KIDINS220: variants seen among roughly 807,000 people sequenced by gnomAD.
The protein encoded by KIDINS220 is kinase D-interacting substrate of 220 kDa.
In KIDINS220, 63 loss-of-function variants were observed where a neutral mutation model predicts 157.6. The observed-to-expected ratio is 0.40, with a 90% CI of 0.33 to 0.49. The LOEUF is 0.49. Ranked by LOEUF, KIDINS220 falls within the 20% of genes least tolerant of loss-of-function variation. The pLI is 0.66. For missense variants in KIDINS220, 1,772 were observed against 2,171.2 expected (o/e 0.82, Z 3.65); for synonymous variants, 732 against 783.6 (o/e 0.93, Z 1.10).
At chr2:8,805,680 C>G (rs960005764) in intron 7 of KIDINS220, among the ~76,000 whole-genome samples, 3 of 152,144 alleles carry the variant, frequency 2.0e-5, no homozygotes, top group Non-Finnish European at 4.4e-5. Context: ...ATGCACAGCA[C>G]ATTTTGATTA....
chr2:8,812,595 T>C, intron 5 of KIDINS220, 102 bp from the exon 6 acceptor site: 1 of 503,614 alleles, frequency 2.0e-6, no homozygotes, highest in Non-Finnish European at 3.4e-6. Context: ...ATCTTTTAGG[T>C]AGATATTTAC....
downstream of KIDINS220, chr2:8,722,286 G>C (rs1476586408): frequency 6.6e-6 from 1 of 152,204 alleles, no homozygotes; most frequent in Non-Finnish European, 1.5e-5. Context: ...TCTGATATGA[G>C]CAAACTGGAA....
In KIDINS220 at chr2:8,826,540, G is replaced by A. The variant is rs182717062; in HGVS notation, c.108+446C>T. Among the ~76,000 whole-genome samples the A allele has an allele frequency of 2.8e-3, 422 of 152,278 alleles. 2 individuals carry two copies. Among genetic ancestry groups the A allele is most frequent in the African/African-American group, 7.0e-3 (289 of 41,556 alleles). ...GGAGAATCACTTGAACCTGGGAGGC[G>A]GAGGTTTTGGTGAGCTGAGATCGTG... is the stretch of plus-strand genomic sequence containing the variant. On this transcript the variant is annotated intron_variant, in intron 2 of 29. Coordinates refer to ENST00000256707, the MANE Select transcript of KIDINS220 (RefSeq NM_020738.4).
intron 26 of KIDINS220, chr2:8,737,203 T>C (rs1469508871): frequency 6.4e-6 from 3 of 467,354 alleles, no homozygotes; most frequent in African/African-American, 3.9e-5. Flanking sequence ...TTACAGCTGA[T>C]ACAGCCTGGT....
intron 4 of KIDINS220, among the ~76,000 whole-genome samples, chr2:8,816,631 A>G (rs574699840): frequency 4.9e-4 from 75 of 152,336 alleles, no homozygotes; most frequent in Admixed American, 1.1e-3. Flanking sequence ...TGAGAACTCG[A>G]TAACTCCCTG....
intron 2 of KIDINS220, among the ~76,000 whole-genome samples, chr2:8,819,832 A>T (rs1045753437): frequency 2.2e-4 from 34 of 152,270 alleles, no homozygotes; most frequent in African/African-American, 7.5e-4. Flanking sequence ...TCAAAAAAAA[A>T]TTTAAATTAA....
chr2:8,788,897 A>G, intron 14 of KIDINS220, 85 bp from the exon 15 acceptor site: 1 of 1,232,212 alleles, frequency 8.1e-7, no homozygotes, highest in African/African-American at 1.5e-5. Flanking sequence ...TCAAGTAATG[A>G]GAGCTAAGCT....
intron 15 of KIDINS220, among the ~76,000 whole-genome samples, chr2:8,788,299 G>A (rs563379128): frequency 2.7e-5 from 4 of 149,194 alleles, no homozygotes; most frequent in South Asian, 4.2e-4. Context: ...ACAGAGTTTC[G>A]TTCTTGTCGC....
In KIDINS220 at chr2:8,779,724, C is replaced by T. The variant is rs368374957; in HGVS notation, c.2320G>A (p.Asp774Asn). Residue 774 changes from aspartate (D) to asparagine (N), a missense_variant, in exon 18 of 30, where the codon GAT becomes AAT. By Grantham distance (23) the Asp-to-Asn change is conservative. This residue lies in a region of KIDINS220 where 725 missense variants were observed against 1,017.1 expected (regional missense o/e 0.71). Transcript: ENST00000256707. The part of the protein sequence containing the change: ...QNQTRLVVII[D>N]GLDACEQDKV... ...TCCTGCTCACAGGCATCTAATCCATCGATGATGACCACCAGCCTTGTCTGA... is the reference window on the plus strand; with the variant it reads ...TCCTGCTCACAGGCATCTAATCCATTGATGATGACCACCAGCCTTGTCTGA... 11 of 1,614,044 alleles carry T rather than the reference C, an allele frequency of 6.8e-6. No homozygotes were observed. The highest frequency in any genetic ancestry group is 4.0e-5 in the African/African-American group (3 of 74,942).
intron 1 of KIDINS220, among the ~76,000 whole-genome samples, chr2:8,834,014 C>A (rs113487463): frequency 1.3e-5 from 2 of 152,130 alleles, no homozygotes; most frequent in Non-Finnish European, 2.9e-5. Context: ...CCTCCAGATA[C>A]GACACAGTAA....
At chr2:8,779,992 T>A (rs1671477589) in intron 17 of KIDINS220, among the ~76,000 whole-genome samples, 178 bp from the exon 18 acceptor site, 1 of 152,270 alleles carries the variant, frequency 6.6e-6, no homozygotes, top group Admixed American at 6.5e-5. Context: ...ACCAAGTGAC[T>A]ACACATAAAT....
chr2:8,750,289 G>T lies in KIDINS220; in HGVS notation c.3237C>A (p.Tyr1079Ter). The change falls in exon 24 of 30, where the codon TAC becomes TAA. Residue 1079 changes from tyrosine to a stop codon, truncating the protein, a stop_gained. Coordinates refer to ENST00000256707, the MANE Select transcript of KIDINS220 (RefSeq NM_020738.4). LOFTEE classifies it high-confidence loss of function. ...REQISIGGLAYPPLPLHEGPP... is the reference protein window; with the variant it reads ...REQISIGGLA The stretch of plus-strand genomic sequence containing the variant: ...GACCCTCATGTAGAGGGAGCGGGGG[G>T]TACGCCAGTCCTCCAATACTGATCT... The T allele has an allele frequency of 6.2e-7, 1 of 1,612,760 alleles. No individual in the cohort carries two copies. Among genetic ancestry groups the T allele is most frequent in the South Asian group, 1.1e-5 (1 of 90,932 alleles).
rs576553405 is a variant in KIDINS220, at chr2:8,746,908, C to T, written c.3585+237G>A. On this transcript the variant is annotated intron_variant, in intron 26 of 29. Transcript: ENST00000256707. ...TTCCTTATTGAAGAATAAAAAAAAA[C>T]CCCATCCCATGTATTGAAAAAGGGG... is the stretch of plus-strand genomic sequence containing the variant. 6 of 455,872 alleles carry T rather than the reference C, an allele frequency of 1.3e-5. No homozygotes were observed. The East Asian group carries it at 2.1e-4, about 16-fold the overall frequency. The allele number at this position is 455,872 out of a possible 1,614,324, so 28.2% of individuals were successfully genotyped here.
In KIDINS220 at chr2:8,730,568, T is replaced by C; in HGVS notation, c.*152A>G. ...GCCATGCTTCTCATGCTCCCTTCTG[T>C]CACACTGCAGATGTCTCTTTTACCT... On this transcript the variant is annotated 3_prime_UTR_variant, in exon 30 of 30. Coordinates refer to ENST00000256707, the MANE Select transcript of KIDINS220 (RefSeq NM_020738.4). 2 of 1,435,984 alleles carry C rather than the reference T, an allele frequency of 1.4e-6. No homozygotes were observed. The highest frequency in any genetic ancestry group is 1.8e-6 in the Non-Finnish European group (2 of 1,102,580). The allele number at this position is 1,435,984 out of a possible 1,614,324, so 89.0% of individuals were successfully genotyped here.
intron 17 of KIDINS220, among the ~76,000 whole-genome samples, chr2:8,781,377 C>T (rs543438312): frequency 1.8e-4 from 27 of 151,696 alleles, no homozygotes; most frequent in Admixed American, 8.5e-4. Flanking sequence ...CCAGTAAGGA[C>T]GCAGTTCAGC....
chr2:8,828,035 C>T (rs1038596470), intron 1 of KIDINS220, among the ~76,000 whole-genome samples: 1 of 152,072 alleles, frequency 6.6e-6, no homozygotes, highest in Non-Finnish European at 1.5e-5. Context: ...CTCTTTTATT[C>T]AAAGCCCTCT....
downstream of KIDINS220, chr2:8,724,813 G>C (rs565534692): frequency 6.6e-6 from 1 of 152,100 alleles, no homozygotes; most frequent in South Asian, 2.1e-4. This position sits in a 1 kb window ranked among gnomAD's most constrained non-coding sequence, Gnocchi z 4.6. Flanking sequence ...TTTTATTTTT[G>C]TAGAGATGGA....
intron 17 of KIDINS220, among the ~76,000 whole-genome samples, chr2:8,781,172 G>A (rs1049586884): frequency 2.3e-5 from 1 of 43,452 alleles, no homozygotes; most frequent in Non-Finnish European, 6.7e-5. Flanking sequence ...ATATTAAAGG[G>A]GGGCATTACA....
intron 6 of KIDINS220, among the ~76,000 whole-genome samples, chr2:8,811,883 T>C (rs1476873745): frequency 6.6e-6 from 1 of 151,948 alleles, no homozygotes; most frequent in Non-Finnish European, 1.5e-5. Flanking sequence ...GCGGGCACAC[T>C]GTGAAGGGCC....
Sources: gnomAD v4.1 joint callset for allele counts (sites outside exome capture counted in the v4.1 genomes callset) on GRCh38, gnomAD v4.1.1 for gene constraint, gnomAD v4.1.1 regional missense constraint, Gnocchi (gnomAD v3.1) non-coding constraint, MANE v1.5 for transcripts, NCBI Gene and HGNC (gene_info 2026-07-23, HGNC 2026-07-21) for gene names.